The following FBXL4 variants were observed in gnomAD, a reference collection of about 807,000 sequenced individuals.
FBXL4 encodes the protein F-box and leucine rich repeat protein 4.
A neutral mutation model predicts 58.9 loss-of-function variants in FBXL4; 40 were observed. The ratio of observed to expected loss-of-function variants is 0.68; its 90% confidence interval spans 0.53 to 0.88. The LOEUF is 0.88. Among genes scored for constraint, FBXL4 ranks in the 40% least tolerant of loss-of-function variants. The pLI is 0.00. For synonymous variants in FBXL4, 263 were observed against 265.5 expected (o/e 0.99, Z 0.09); for missense variants, 676 against 734.4 (o/e 0.92, Z 0.92).
intron 5 of FBXL4, among the ~76,000 whole-genome samples, chr6:98,910,210 G>T (rs527256958): frequency 6.6e-6 from 1 of 152,104 alleles, no homozygotes; most frequent in Non-Finnish European, 1.5e-5. Context: ...GGAATATTTC[G>T]AAACTGGTGG....
intron 1 of FBXL4, among the ~76,000 whole-genome samples, chr6:98,942,315 T>C (rs368911876): frequency 4.6e-5 from 7 of 151,992 alleles, no homozygotes; most frequent in Non-Finnish European, 1.0e-4. Flanking sequence ...TTTTAAAAAA[T>C]GGTTAGAAAA....
intron 5 of FBXL4, among the ~76,000 whole-genome samples, chr6:98,914,666 T>A (rs1359414797): frequency 6.6e-6 from 1 of 152,158 alleles, no homozygotes; most frequent in Non-Finnish European, 1.5e-5. Flanking sequence ...ATGGGACATA[T>A]CTCAAAATCA....
intron 1 of FBXL4, among the ~76,000 whole-genome samples, chr6:98,944,486 A>G (rs1315201005): frequency 1.3e-5 from 2 of 152,240 alleles, no homozygotes; most frequent in Admixed American, 6.5e-5. Flanking sequence ...AAGAAATGCA[A>G]TACTAAAACA....
intron 5 of FBXL4, among the ~76,000 whole-genome samples, chr6:98,908,621 G>GA (rs928783953): frequency 4.4e-4 from 67 of 152,192 alleles, no homozygotes; most frequent in African/African-American, 1.6e-3. Context: ...AAAATTGTAT[G>GA]AAAGTACCCT....
intron 7 of FBXL4, chr6:98,896,891 C>T (rs1771429817): frequency 2.0e-6 from 2 of 984,882 alleles, no homozygotes; most frequent in African/African-American, 3.5e-5. Context: ...TCATAAATCA[C>T]ACTTAAAAAA....
rs768430744 is a variant in FBXL4 at position 98,880,540 on chromosome 6, C to G, written c.1389+13G>C. 4 of 1,611,994 alleles carry G rather than the reference C, an allele frequency of 2.5e-6. No homozygotes were observed. In the Admixed American group the frequency reaches 6.7e-5, roughly 27 times the overall value. ...AAGTAATTGAGTAGTATAAAGAATT[C>G]TCAAACACTTACCATGACACAACTG... is the stretch of plus-strand genomic sequence containing the variant. On this transcript the variant is annotated intron_variant, in intron 8 of 9. Coordinates refer to ENST00000369244, the MANE Select transcript of FBXL4 (RefSeq NM_001278716.2).
At chr6:98,908,335 A>AT (rs1421951646) in intron 5 of FBXL4, among the ~76,000 whole-genome samples, 1 of 152,202 alleles carries the variant, frequency 6.6e-6, no homozygotes, top group African/African-American at 2.4e-5. Context: ...ATTTAATGAT[A>AT]TATCTTATAG....
At chr6:98,947,633 A>AGGCGCGGG (rs905356002) in intron 1 of FBXL4, among the ~76,000 whole-genome samples, 173 bp downstream of exon 1, 24 of 151,688 alleles carry the variant, frequency 1.6e-4, no homozygotes, top group African/African-American at 2.7e-4. Flanking sequence ...CGTGAAGCGG[A>AGGCGCGGG]GGCGCGGGGG....
At chr6:98,902,051 C>T (rs1771632205) in intron 6 of FBXL4, among the ~76,000 whole-genome samples, 2 of 152,050 alleles carry the variant, frequency 1.3e-5, no homozygotes, top group South Asian at 2.1e-4. Flanking sequence ...AATACAAGTA[C>T]ATAAGAAGCA....
chr6:98,907,649 T>C (rs531914284), intron 5 of FBXL4, among the ~76,000 whole-genome samples: 7 of 152,194 alleles, frequency 4.6e-5, no homozygotes, highest in Non-Finnish European at 1.0e-4. Flanking sequence ...ATTTGCTAAA[T>C]GTTAAAAATC....
chr6:98,937,949 T>C (rs1234009900), intron 1 of FBXL4, among the ~76,000 whole-genome samples: 1 of 152,102 alleles, frequency 6.6e-6, no homozygotes, highest in Non-Finnish European at 1.5e-5. Flanking sequence ...ACCAAGTTGT[T>C]TTCTGTTAAC....
chr6:98,890,874 G>A (rs1010954614), intron 7 of FBXL4, among the ~76,000 whole-genome samples: 6 of 151,754 alleles, frequency 4.0e-5, no homozygotes, highest in Non-Finnish European at 5.9e-5. Context: ...AGCCAAGATC[G>A]CTCCACTGCA....
intron 7 of FBXL4, chr6:98,897,492 C>G: frequency 5.8e-6 from 2 of 344,874 alleles, no homozygotes; most frequent in Non-Finnish European, 8.2e-6. Context: ...AGTCTTCTTT[C>G]CACCCTGCCA....
At chr6:98,875,345 A>G in intron 9 of FBXL4, 70 bp downstream of exon 9, 1 of 1,535,848 alleles carries the variant, frequency 6.5e-7, no homozygotes, top group Non-Finnish European at 9.0e-7. Flanking sequence ...TTTCCTAACA[A>G]AAAGTCTGAG....
chr6:98,920,823 C>T (rs1392635570), intron 4 of FBXL4, among the ~76,000 whole-genome samples: 1 of 108,982 alleles, frequency 9.2e-6, no homozygotes, highest in Admixed American at 9.5e-5. Context: ...CACACATACA[C>T]ACACACACAC....
intron 1 of FBXL4, among the ~76,000 whole-genome samples, chr6:98,944,532 T>C (rs1484386485): frequency 6.6e-6 from 1 of 152,196 alleles, no homozygotes; most frequent in East Asian, 1.9e-4. Context: ...AATTACTAAA[T>C]ATAAAAAATA....
In FBXL4 at chr6:98,894,699, T is replaced by C. The variant is rs913543366; in HGVS notation, c.1317+4569A>G. ...TCTTTACTAAGCATGTATTTAATGC[T>C]CTGAGTCTAATGAAATTCAACAAAT... is the stretch of plus-strand genomic sequence containing the variant. On this transcript the variant is annotated intron_variant, in intron 7 of 9. Transcript: ENST00000369244. Among the ~76,000 whole-genome samples, 4 of 152,340 alleles carry C rather than the reference T, an allele frequency of 2.6e-5. No homozygotes were observed. In the South Asian group the frequency reaches 8.3e-4, roughly 32 times the overall value.
chr6:98,905,348 T>G (rs1771758652), intron 6 of FBXL4, 78 bp downstream of exon 6: 1 of 1,505,582 alleles, frequency 6.6e-7, no homozygotes, highest in African/African-American at 1.4e-5. Context: ...TTTCAAACTT[T>G]TATTATGAAA....
rs771565511 is a variant in FBXL4, at chr6:98,926,759, T to C, written c.230A>G (p.Asn77Ser). 4 of 1,614,210 alleles carry C rather than the reference T, an allele frequency of 2.5e-6. No homozygotes were observed. In the South Asian group the frequency reaches 4.4e-5, roughly 18 times the overall value. The change falls in exon 4 of 10, where the codon AAT becomes AGT. Residue 77 changes from asparagine to serine, a missense_variant. By Grantham distance (46) the Asn-to-Ser change is conservative. Coordinates refer to ENST00000369244, the MANE Select transcript of FBXL4 (RefSeq NM_001278716.2). ...GAATACATTTGGTACACCAGCCAAATTCCACATAGTATAGGACATACTATT... is the reference window on the plus strand; with the variant it reads ...GAATACATTTGGTACACCAGCCAAACTCCACATAGTATAGGACATACTATT... Reference protein sequence around the residue: ...SENSMSYTMWNLAGVPNVFPS... With the variant: ...SENSMSYTMWSLAGVPNVFPS...
Sources: allele counts gnomAD v4.1 joint callset (sites outside exome capture counted in the v4.1 genomes callset), GRCh38; gene constraint gnomAD v4.1.1; transcripts MANE v1.5; gene names NCBI Gene and HGNC (gene_info 2026-07-23, HGNC 2026-07-21).